The following ANTXR1 variants were observed in gnomAD, a reference collection of about 807,000 sequenced individuals.
ANTXR1 encodes anthrax toxin receptor 1.
In ANTXR1, 19 loss-of-function variants were observed where a neutral mutation model predicts 78.1. That is an observed-to-expected ratio of 0.24 (90% CI 0.17 to 0.36). The LOEUF (loss-of-function observed/expected upper bound fraction) is 0.36, where lower values mean the gene tolerates loss of function less well. ANTXR1 is among the 10% of genes least tolerant of loss of function. The pLI is 1.00. For synonymous variants in ANTXR1, 273 were observed against 260.5 expected, an observed-to-expected ratio of 1.05 and a Z score of -0.46; for missense variants, 518 against 718.6, an observed-to-expected ratio of 0.72 and a Z score of 3.19.
At chr2:69,220,945 G>A (rs78444152) in intron 17 of ANTXR1, among the ~76,000 whole-genome samples, 6,930 of 152,230 alleles carry the variant, frequency 0.046, 722 homozygotes, top group East Asian at 0.37. Flanking sequence ...AACACTGCTC[G>A]TATGCACCAT....
At chr2:69,216,609 C>T (rs1421825732) in intron 17 of ANTXR1, among the ~76,000 whole-genome samples, 1 of 152,116 alleles carries the variant, frequency 6.6e-6, no homozygotes, top group Non-Finnish European at 1.5e-5. Context: ...CATCCTCACC[C>T]ATCACCATGT....
intron 3 of ANTXR1, among the ~76,000 whole-genome samples, chr2:69,053,918 A>G (rs1162257879): frequency 6.6e-6 from 1 of 152,192 alleles, no homozygotes; most frequent in Non-Finnish European, 1.5e-5. Flanking sequence ...TACCCAGTAC[A>G]TACTGCCTCT....
chr2:69,053,018 C>G (rs781418083), intron 3 of ANTXR1, among the ~76,000 whole-genome samples: 24 of 152,164 alleles, frequency 1.6e-4, no homozygotes, highest in Non-Finnish European at 2.8e-4. Context: ...TAAATATACA[C>G]TAGAATGTCT....
chr2:69,157,237 C>T (rs1437942760), intron 13 of ANTXR1, among the ~76,000 whole-genome samples: 1 of 152,062 alleles, frequency 6.6e-6, no homozygotes, highest in African/African-American at 2.4e-5. Context: ...CGTCTCTGTG[C>T]AGTTTCTCCC....
chr2:69,099,907 T>G (rs1053147176), intron 9 of ANTXR1, among the ~76,000 whole-genome samples: 1 of 152,220 alleles, frequency 6.6e-6, no homozygotes, highest in African/African-American at 2.4e-5. Context: ...AATAGAAATC[T>G]TGGCCTCTGC....
Position 69,194,790 on chromosome 2 carries a change from T to C in ANTXR1, c.1434+1375T>C, listed in dbSNP as rs542634288. 9.9e-5 allele frequency among the ~76,000 whole-genome samples: 15 copies of C among 151,864 alleles called. No homozygotes were observed. The East Asian group carries it at 1.2e-3, about 12-fold the overall frequency. ...ATTGCTTGAACCCAGGAGGTGGAGGTTGCAGTGAGCCGAGATCGCACCACT... is the reference window on the plus strand; with the variant it reads ...ATTGCTTGAACCCAGGAGGTGGAGGCTGCAGTGAGCCGAGATCGCACCACT... On this transcript the variant is annotated intron_variant, in intron 17 of 17. Coordinates refer to ENST00000303714, the MANE Select transcript of ANTXR1 (RefSeq NM_032208.3).
At chr2:69,105,631 T>C (rs1047828156) in intron 10 of ANTXR1, among the ~76,000 whole-genome samples, 2 of 152,242 alleles carry the variant, frequency 1.3e-5, no homozygotes, top group Non-Finnish European at 2.9e-5. Context: ...TACTGATTCC[T>C]CCCTGTAAAA....
intron 3 of ANTXR1, among the ~76,000 whole-genome samples, chr2:69,052,221 A>G (rs1390387021): frequency 6.6e-6 from 1 of 152,080 alleles, no homozygotes; most frequent in Non-Finnish European, 1.5e-5. Flanking sequence ...ACATTCACAC[A>G]CATACTTCCT....
intron 14 of ANTXR1, among the ~76,000 whole-genome samples, chr2:69,175,097 C>T (rs1457961066): frequency 6.6e-6 from 1 of 152,204 alleles, no homozygotes; most frequent in Admixed American, 6.5e-5. Context: ...GCATCAGGTG[C>T]TCCTTTCTTG....
At chr2:69,024,380 G>T (rs1008033689) in intron 1 of ANTXR1, among the ~76,000 whole-genome samples, 10 of 152,156 alleles carry the variant, frequency 6.6e-5, no homozygotes, top group African/African-American at 2.4e-4. Context: ...GATAATATCA[G>T]GATTTTTAAA....
At chr2:69,128,644 G>A (rs185301750) in intron 12 of ANTXR1, among the ~76,000 whole-genome samples, 1 of 152,288 alleles carries the variant, frequency 6.6e-6, no homozygotes, top group East Asian at 1.9e-4. Context: ...GTCCTACACA[G>A]CAACTCAAAT....
At chr2:69,243,021 G>A (rs867213202) in intron 17 of ANTXR1, among the ~76,000 whole-genome samples, 24 of 152,128 alleles carry the variant, frequency 1.6e-4, no homozygotes, top group Admixed American at 8.5e-4. Context: ...CAGCCTCCCC[G>A]GCTTAGCACC....
At chr2:69,159,689 A>C (rs1307680320) in intron 13 of ANTXR1, among the ~76,000 whole-genome samples, 1 of 152,168 alleles carries the variant, frequency 6.6e-6, no homozygotes, top group East Asian at 1.9e-4. Flanking sequence ...ATGTCCATGC[A>C]TTCAGAATTT....
intron 12 of ANTXR1, among the ~76,000 whole-genome samples, chr2:69,140,702 A>G (rs1056665724): frequency 6.6e-6 from 1 of 152,204 alleles, no homozygotes; most frequent in African/African-American, 2.4e-5. Context: ...TGGCTGTATC[A>G]CTGGAGGTAG....
intron 17 of ANTXR1, among the ~76,000 whole-genome samples, chr2:69,197,040 C>T (rs767362388): frequency 1.3e-5 from 2 of 152,206 alleles, no homozygotes; most frequent in Non-Finnish European, 2.9e-5. Flanking sequence ...CCATCCAAGC[C>T]CCAGGTCAGG....
At chr2:69,108,601 T>C (rs766447390) in intron 10 of ANTXR1, among the ~76,000 whole-genome samples, 3 of 152,120 alleles carry the variant, frequency 2.0e-5, no homozygotes, top group Non-Finnish European at 4.4e-5. Context: ...TTATTTTTCC[T>C]GATCTTCTCT....
intron 12 of ANTXR1, among the ~76,000 whole-genome samples, chr2:69,127,980 A>G (rs192650686): frequency 2.4e-4 from 37 of 152,272 alleles, no homozygotes; most frequent in Admixed American, 2.2e-3. Flanking sequence ...TTATCCCAAC[A>G]CTTTAGGAGA....
intron 17 of ANTXR1, among the ~76,000 whole-genome samples, chr2:69,219,721 G>C (rs1407746556): frequency 6.6e-6 from 1 of 152,148 alleles, no homozygotes; most frequent in Non-Finnish European, 1.5e-5. Flanking sequence ...TGATTCAGTA[G>C]ATACAGGGTG....
chr2:69,034,960 A>C (rs995003249), intron 1 of ANTXR1, among the ~76,000 whole-genome samples: 9 of 152,166 alleles, frequency 5.9e-5, no homozygotes, highest in Admixed American at 5.2e-4. Flanking sequence ...CCAGGAGTCC[A>C]CTTAGGTCTT....
Sources: allele counts gnomAD v4.1 joint callset (sites outside exome capture counted in the v4.1 genomes callset), GRCh38; gene constraint gnomAD v4.1.1; transcripts MANE v1.5; gene names NCBI Gene and HGNC (gene_info 2026-07-23, HGNC 2026-07-21).